Variants in CUL3 observed in about 807,000 individuals in gnomAD.
The protein encoded by CUL3 is cullin 3.
CUL3 carries 19 observed loss-of-function variants against 89.1 expected under a neutral mutation model. That is an observed-to-expected ratio of 0.21 (90% CI 0.15 to 0.31). The LOEUF (loss-of-function observed/expected upper bound fraction) is 0.31, where lower values mean the gene tolerates loss of function less well. Among genes scored for constraint, CUL3 ranks in the 10% least tolerant of loss-of-function variants. The pLI is 1.00. For missense variants in CUL3, 469 were observed against 942.3 expected (o/e 0.50, Z 6.58); for synonymous variants, 351 against 308.4 (o/e 1.14, Z -1.45).
At position 224,472,035 on chromosome 2, in the gene CUL3, C is replaced by T. The variant is rs1691148774; in HGVS notation, c.*2210G>A. On this transcript the variant is annotated 3_prime_UTR_variant, in exon 16 of 16. Transcript: ENST00000264414. ...TGTATTTTGTTATAACCTTTATGAC[C>T]TAAAATAATACTTATGCAGTCAAAC... The T allele has an allele frequency of 4.3e-6, 1 of 230,708 alleles. No homozygotes were observed. Among genetic ancestry groups the T allele is most frequent in the African/African-American group, 2.2e-5 (1 of 45,186 alleles). 14.3% of individuals were successfully genotyped at this position (230,708 alleles called of 1,614,324 possible).
At chr2:224,509,820 TTTTG>T (rs1163514729) in intron 6 of CUL3, among the ~76,000 whole-genome samples, 1 of 152,230 alleles carries the variant, frequency 6.6e-6, no homozygotes, top group Non-Finnish European at 1.5e-5. Context: ...TCAATACTCA[TTTTG>T]TTTAAGCAGG....
At chr2:224,569,728 A>C in intron 1 of CUL3, 1 of 1,214,308 alleles carries the variant, frequency 8.2e-7, no homozygotes, top group Non-Finnish European at 1.1e-6. Flanking sequence ...GAACTACATC[A>C]TGAGACAAAT....
chr2:224,561,088 C>T (rs1012005038), intron 1 of CUL3, among the ~76,000 whole-genome samples: 1 of 152,188 alleles, frequency 6.6e-6, no homozygotes, highest in African/African-American at 2.4e-5. Flanking sequence ...CCTCACCTCA[C>T]TACTGATCCC....
In CUL3 at chr2:224,541,898, G is replaced by A. The variant is rs535225493; in HGVS notation, c.265-6257C>T. ...AGATCAGTGGTTGTCAGGAACTAGG[G>A]GTTAAGAGAACTATAAAGGGATAAC... On this transcript the variant is annotated intron_variant, in intron 2 of 15. Transcript: ENST00000264414. Among the ~76,000 whole-genome samples the A allele has an allele frequency of 3.9e-5, 6 of 152,070 alleles. No individual in the cohort carries two copies. In the South Asian group the frequency reaches 1.2e-3, roughly 31 times the overall value.
At chr2:224,567,881 G>A (rs765298456) in intron 1 of CUL3, among the ~76,000 whole-genome samples, 10 of 152,084 alleles carry the variant, frequency 6.6e-5, no homozygotes, top group South Asian at 2.1e-4. Flanking sequence ...ACCTTTCTAT[G>A]GTAGCATAGT....
rs1364280254 is a variant in CUL3 at position 224,471,220 on chromosome 2, TTTCC to T, written c.*3021_*3024del. On this transcript the variant is annotated 3_prime_UTR_variant, in exon 16 of 16. Transcript: ENST00000264414. ...TGACCTACAATTGATATGCAACAGC[TTTCC>T]TTCCAAGATTGACACAATATACCAT... is the stretch of plus-strand genomic sequence containing the variant. 24 of 211,262 alleles carry T rather than the reference TTTCC, an allele frequency of 1.1e-4. No individual in the cohort carries two copies. The highest frequency in any genetic ancestry group is 1.8e-4 in the Admixed American group (3 of 17,068). 13.1% of individuals were successfully genotyped at this position (211,262 alleles called of 1,614,324 possible).
intron 2 of CUL3, among the ~76,000 whole-genome samples, chr2:224,553,473 A>C (rs1171028260): frequency 6.6e-6 from 1 of 152,248 alleles, no homozygotes; most frequent in Non-Finnish European, 1.5e-5. Context: ...TATTTAGTAC[A>C]ATCAACTTGA....
At chr2:224,479,632 TAA>T (rs1464799189) in intron 14 of CUL3, 1 of 152,182 alleles carries the variant, frequency 6.6e-6, no homozygotes, top group African/African-American at 2.4e-5. Flanking sequence ...AGACGTGTGC[TAA>T]AGTTTTTTAG....
intron 1 of CUL3, among the ~76,000 whole-genome samples, chr2:224,561,721 A>T (rs1201385201): frequency 1.3e-5 from 2 of 152,218 alleles, no homozygotes; most frequent in Non-Finnish European, 2.9e-5. Context: ...ATAGGATGTC[A>T]TCCATATAAA....
At chr2:224,511,044 C>CA (rs1212857832) in intron 6 of CUL3, among the ~76,000 whole-genome samples, 6 of 152,124 alleles carry the variant, frequency 3.9e-5, no homozygotes, top group Admixed American at 2.0e-4. Context: ...CTTTGGTATA[C>CA]AGGAAGTACA....
Position 224,481,741 on chromosome 2 carries a change from A to G in CUL3, c.2029+151T>C, listed in dbSNP as rs1574612781. ...GATTCAAATGCATTTTGATACAAATACTTATCAATAAAAGCTGCTTTCTTT... is the reference window on the plus strand; with the variant it reads ...GATTCAAATGCATTTTGATACAAATGCTTATCAATAAAAGCTGCTTTCTTT... On this transcript the variant is annotated intron_variant, in intron 14 of 15. Coordinates refer to ENST00000264414, the MANE Select transcript of CUL3 (RefSeq NM_003590.5). 3 of 478,644 alleles carry G rather than the reference A, an allele frequency of 6.3e-6. No individual in the cohort carries two copies. In the East Asian group the frequency reaches 1.1e-4, roughly 17 times the overall value. The allele number at this position is 478,644 out of a possible 1,614,324, so 29.6% of individuals were successfully genotyped here.
intron 2 of CUL3, chr2:224,556,354 G>A (rs1408812004): frequency 6.6e-6 from 1 of 152,078 alleles, no homozygotes; most frequent in Non-Finnish European, 1.5e-5. Flanking sequence ...CCAATAATGG[G>A]ATAAACTGAC....
At chr2:224,480,961 T>C (rs558014266) in intron 14 of CUL3, among the ~76,000 whole-genome samples, 2 of 152,236 alleles carry the variant, frequency 1.3e-5, no homozygotes, top group East Asian at 3.9e-4. Context: ...CCAGAGACAC[T>C]ACTCTGTTCT....
chr2:224,557,504 A>C (rs1574692834), intron 2 of CUL3, among the ~76,000 whole-genome samples, 155 bp downstream of exon 2: 1 of 128,944 alleles, frequency 7.8e-6, no homozygotes, highest in Non-Finnish European at 1.7e-5. Flanking sequence ...GCTGATTATA[A>C]ATTTTTCATG....
At chr2:224,524,359 T>C in intron 3 of CUL3, among the ~76,000 whole-genome samples, 1 of 152,172 alleles carries the variant, frequency 6.6e-6, no homozygotes. Context: ...CCGCAATTTC[T>C]GCAAGAAATT....
chr2:224,510,674 G>C (rs1197430487), intron 6 of CUL3, among the ~76,000 whole-genome samples: 4 of 152,164 alleles, frequency 2.6e-5, no homozygotes, highest in Non-Finnish European at 5.9e-5. Flanking sequence ...ACTAAGAATA[G>C]AGGATATGGT....
chr2:224,486,644 G>T (rs1450168915), intron 13 of CUL3, among the ~76,000 whole-genome samples: 1 of 152,160 alleles, frequency 6.6e-6, no homozygotes, highest in Non-Finnish European at 1.5e-5. Context: ...ACGTTTGACT[G>T]GTGTACCTGA....
At chr2:224,475,651 C>T (rs888904754) in intron 15 of CUL3, among the ~76,000 whole-genome samples, 1 of 152,162 alleles carries the variant, frequency 6.6e-6, no homozygotes, top group African/African-American at 2.4e-5. Context: ...AACCCATCAC[C>T]TGAGATCTCC....
intron 6 of CUL3, among the ~76,000 whole-genome samples, chr2:224,509,572 G>A (rs1420824305): frequency 1.3e-5 from 2 of 152,172 alleles, no homozygotes; most frequent in Non-Finnish European, 2.9e-5. Flanking sequence ...TGTGTTGTTG[G>A]AAACCTAAGG....
Sources: allele counts gnomAD v4.1 joint callset (sites outside exome capture counted in the v4.1 genomes callset), GRCh38; gene constraint gnomAD v4.1.1; transcripts MANE v1.5; gene names NCBI Gene and HGNC (gene_info 2026-07-23, HGNC 2026-07-21).